Variants in LDB2 observed in about 807,000 individuals in gnomAD.
LDB2 encodes the protein LIM domain binding 2, also known as LIM domain-binding protein 2.
A neutral mutation model predicts 44.3 loss-of-function variants in LDB2; 12 were observed. The observed-to-expected ratio is 0.27, with a 90% CI of 0.17 to 0.44. The LOEUF (loss-of-function observed/expected upper bound fraction) is 0.44, where lower values mean the gene tolerates loss of function less well. Ranked by LOEUF, LDB2 falls within the 20% of genes least tolerant of loss-of-function variation. LDB2 has a pLI of 1.00. For missense variants in LDB2, 344 were observed against 473.5 expected, an observed-to-expected ratio of 0.73 and a Z score of 2.54; for synonymous variants, 164 against 174.8, an observed-to-expected ratio of 0.94 and a Z score of 0.49.
chr4:16,514,431 C>T (rs1384578950), intron 5 of LDB2, among the ~76,000 whole-genome samples: 1 of 152,210 alleles, frequency 6.6e-6, no homozygotes, highest in East Asian at 1.9e-4. Context: ...GACAGCAAGA[C>T]TTGCACAAAC....
At chr4:16,636,336 C>T (rs1733599120) in intron 2 of LDB2, among the ~76,000 whole-genome samples, 1 of 152,208 alleles carries the variant, frequency 6.6e-6, no homozygotes, top group Non-Finnish European at 1.5e-5. Flanking sequence ...GCTCCAGCCA[C>T]AGCCAGGATG....
intron 1 of LDB2, chr4:16,888,726 T>C (rs1722475134): frequency 1.5e-5 from 15 of 978,392 alleles, no homozygotes; most frequent in Non-Finnish European, 1.7e-5. Flanking sequence ...GTCATCGTCG[T>C]CATCATCATC....
intron 5 of LDB2, among the ~76,000 whole-genome samples, chr4:16,548,370 T>C (rs1361264363): frequency 6.6e-6 from 1 of 152,196 alleles, no homozygotes; most frequent in African/African-American, 2.4e-5. Context: ...TCTGCAATGC[T>C]CTTCCTCTTT....
At chr4:16,694,305 T>G (rs550087719) in intron 2 of LDB2, among the ~76,000 whole-genome samples, 23 of 152,312 alleles carry the variant, frequency 1.5e-4, no homozygotes, top group Admixed American at 1.2e-3. Flanking sequence ...TTCCACCAAT[T>G]TGGAGAAGAA....
At chr4:16,528,805 T>C (rs1431880407) in intron 5 of LDB2, among the ~76,000 whole-genome samples, 1 of 152,178 alleles carries the variant, frequency 6.6e-6, no homozygotes, top group African/African-American at 2.4e-5. Flanking sequence ...AACAGACGTA[T>C]AGGGGCTTCA....
intron 1 of LDB2, among the ~76,000 whole-genome samples, chr4:16,775,599 T>C (rs1771716033): frequency 6.6e-6 from 1 of 152,198 alleles, no homozygotes; most frequent in Non-Finnish European, 1.5e-5. Context: ...ACATTCAAGA[T>C]GGGTTTCCCT....
intron 2 of LDB2, among the ~76,000 whole-genome samples, chr4:16,691,312 A>G (rs923851289): frequency 3.3e-5 from 5 of 152,190 alleles, no homozygotes; most frequent in Admixed American, 1.3e-4. Flanking sequence ...TACCATGTTC[A>G]TGGAACTGTA....
At position 16,677,742 on chromosome 4, in the gene LDB2, G is replaced by A. The variant is rs4698506; in HGVS notation, c.235+81416C>T. Among the ~76,000 whole-genome samples, 1,050 of 152,324 alleles carry A rather than the reference G, an allele frequency of 6.9e-3. 6 individuals carry two copies. The highest frequency in any genetic ancestry group is 0.036 in the East Asian group (187 of 5,186). Reference sequence around the variant, plus strand: ...AGAGTTTTGTTCTGACAAATGCTAAGCCAGATGGGCTGCCAGGAAAATGGA... The same window carrying A: ...AGAGTTTTGTTCTGACAAATGCTAAACCAGATGGGCTGCCAGGAAAATGGA... On this transcript the variant is annotated intron_variant, in intron 2 of 7. Coordinates refer to ENST00000304523, the MANE Select transcript of LDB2 (RefSeq NM_001290.5).
chr4:16,609,351 C>CGGGA (rs1724929092), intron 2 of LDB2, among the ~76,000 whole-genome samples: 1 of 108,850 alleles, frequency 9.2e-6, no homozygotes, highest in African/African-American at 3.3e-5. Flanking sequence ...GGGGAGGGGG[C>CGGGA]GGGGGGGGGA....
chr4:16,747,952 C>A (rs1388862861), intron 2 of LDB2, among the ~76,000 whole-genome samples: 5 of 151,934 alleles, frequency 3.3e-5, no homozygotes, highest in Non-Finnish European at 7.4e-5. Context: ...TAAAAAAAGA[C>A]AAACAATCAA....
At chr4:16,819,100 G>A (rs1038093285) in intron 1 of LDB2, among the ~76,000 whole-genome samples, 1 of 139,756 alleles carries the variant, frequency 7.2e-6, no homozygotes, top group Non-Finnish European at 1.5e-5. Context: ...GCTTGTGTGT[G>A]TGTGTGTGTG....
At chr4:16,756,184 C>T (rs1054840650) in intron 2 of LDB2, among the ~76,000 whole-genome samples, 1 of 152,172 alleles carries the variant, frequency 6.6e-6, no homozygotes, top group Non-Finnish European at 1.5e-5. Flanking sequence ...GTGGCTCATG[C>T]CTGTAATCCC....
intron 1 of LDB2, among the ~76,000 whole-genome samples, chr4:16,822,377 A>G (rs1485307514): frequency 3.3e-5 from 5 of 152,166 alleles, no homozygotes; most frequent in Non-Finnish European, 7.3e-5. Context: ...CCTAGAGAGT[A>G]TGTCAAGTGG....
intron 1 of LDB2, among the ~76,000 whole-genome samples, chr4:16,841,036 T>C (rs528455520): frequency 1.4e-4 from 22 of 152,330 alleles, no homozygotes; most frequent in Admixed American, 7.2e-4. Context: ...AAACCGCATC[T>C]CATGCAAACT....
intron 5 of LDB2, among the ~76,000 whole-genome samples, chr4:16,577,744 A>G (rs1284328299): frequency 6.6e-6 from 1 of 152,146 alleles, no homozygotes; most frequent in Non-Finnish European, 1.5e-5. Context: ...TGGAACCACA[A>G]AACACCCAGA....
chr4:16,824,340 T>A (rs1215559014), intron 1 of LDB2, among the ~76,000 whole-genome samples: 3 of 152,208 alleles, frequency 2.0e-5, no homozygotes, highest in African/African-American at 7.2e-5. Context: ...TCATACCACA[T>A]GCCACCCACA....
chr4:16,599,829 G>A (rs1351556837), intron 2 of LDB2, among the ~76,000 whole-genome samples: 2 of 152,100 alleles, frequency 1.3e-5, no homozygotes, highest in African/African-American at 4.8e-5. Context: ...GTTGACGGTC[G>A]ATGCTGCAAA....
intron 2 of LDB2, among the ~76,000 whole-genome samples, chr4:16,744,406 C>T (rs1763963947): frequency 6.6e-6 from 1 of 152,046 alleles, no homozygotes; most frequent in African/African-American, 2.4e-5. Context: ...ATCCACTCAT[C>T]TCTGCCTCCC....
chr4:16,749,577 A>AT (rs1429501110), intron 2 of LDB2, among the ~76,000 whole-genome samples: 5 of 138,458 alleles, frequency 3.6e-5, no homozygotes, highest in African/African-American at 1.4e-4. Context: ...AAAAAATAAA[A>AT]AAATAAAAAA....
Sources: gnomAD v4.1 joint callset for allele counts (sites outside exome capture counted in the v4.1 genomes callset) on GRCh38, gnomAD v4.1.1 for gene constraint, MANE v1.5 for transcripts, NCBI Gene and HGNC (gene_info 2026-07-23, HGNC 2026-07-21) for gene names.